NELL1: variants seen among roughly 807,000 people sequenced by gnomAD.
The protein encoded by NELL1 is neural EGFL like 1.
NELL1 carries 76 observed loss-of-function variants against 107.4 expected under a neutral mutation model. That is an observed-to-expected ratio of 0.71 (90% CI 0.59 to 0.86). NELL1 has a LOEUF of 0.86. NELL1 is among the 40% of genes least tolerant of loss of function. NELL1 has a pLI of 0.00. For missense variants in NELL1, 1,024 were observed against 1,005.5 expected (o/e 1.02, Z -0.25); for synonymous variants, 353 against 341.2 (o/e 1.03, Z -0.38).
At position 21,220,125 on chromosome 11, in the gene NELL1, A is replaced by T. The variant is rs1003734454; in HGVS notation, c.1427-9207A>T. On this transcript the variant is annotated intron_variant, in intron 13 of 19. Coordinates refer to ENST00000357134, the MANE Select transcript of NELL1 (RefSeq NM_006157.5). ...CTCCAACACTGAGGTTTACAATTCG[A>T]CATGAGGTTTGGGCAGGGACACAAA... Among the ~76,000 whole-genome samples, 17 of 152,160 alleles carry T rather than the reference A, an allele frequency of 1.1e-4. 1 individual carries two copies. Among genetic ancestry groups the T allele is most frequent in the Non-Finnish European group, 2.9e-5 (2 of 68,010 alleles).
intron 3 of NELL1, among the ~76,000 whole-genome samples, chr11:20,792,060 T>C (rs1338907209): frequency 2.0e-5 from 3 of 152,190 alleles, no homozygotes; most frequent in East Asian, 1.9e-4. Context: ...AAGTGAGGTA[T>C]TGGTCTGCAG....
chr11:21,555,734 C>T (rs1295138793), intron 16 of NELL1, among the ~76,000 whole-genome samples: 1 of 151,930 alleles, frequency 6.6e-6, no homozygotes, highest in Non-Finnish European at 1.5e-5. Context: ...ATGAAGCTAT[C>T]TCTAACTTAT....
At chr11:21,159,555 A>G (rs990694667) in intron 13 of NELL1, among the ~76,000 whole-genome samples, 1 of 152,188 alleles carries the variant, frequency 6.6e-6, no homozygotes, top group Non-Finnish European at 1.5e-5. Context: ...ATTGCAGCGG[A>G]TAATGTCTGA....
chr11:20,981,742 T>C (rs11025850), intron 12 of NELL1, among the ~76,000 whole-genome samples: 314 of 151,452 alleles, frequency 2.1e-3, no homozygotes, highest in Non-Finnish European at 3.9e-3. Context: ...TTCATTAAAA[T>C]AAGGAACTCG....
chr11:20,756,764 A>C (rs1230512513), intron 2 of NELL1, among the ~76,000 whole-genome samples: 1 of 152,036 alleles, frequency 6.6e-6, no homozygotes, highest in Non-Finnish European at 1.5e-5. Context: ...TGTGGCAACC[A>C]AAATATTTCC....
chr11:21,055,369 T>C (rs916746309), intron 12 of NELL1, among the ~76,000 whole-genome samples: 3 of 152,148 alleles, frequency 2.0e-5, no homozygotes, highest in African/African-American at 7.2e-5. Flanking sequence ...ATTTCAAATA[T>C]ACATTTTAAT....
intron 12 of NELL1, among the ~76,000 whole-genome samples, chr11:21,050,280 T>A (rs986881056): frequency 2.8e-5 from 2 of 72,074 alleles, no homozygotes; most frequent in Non-Finnish European, 5.2e-5. Flanking sequence ...CGCCCCCCAC[T>A]TTTTTTTAAC....
chr11:20,942,621 G>A (rs796273734), intron 10 of NELL1, among the ~76,000 whole-genome samples: 18 of 152,150 alleles, frequency 1.2e-4, no homozygotes, highest in South Asian at 1.0e-3. Context: ...CTCAATAAAT[G>A]TGAGCTATTT....
chr11:20,715,384 C>T (rs1044449888), intron 2 of NELL1, among the ~76,000 whole-genome samples: 3 of 151,168 alleles, frequency 2.0e-5, no homozygotes. Flanking sequence ...TATACAGGTA[C>T]TATTTTTATA....
chr11:21,088,126 AG>A (rs1854440371), intron 12 of NELL1, among the ~76,000 whole-genome samples: 1 of 148,750 alleles, frequency 6.7e-6, no homozygotes, highest in Admixed American at 6.8e-5. Flanking sequence ...TAAATTTTGT[AG>A]CTTCAATAAA....
intron 14 of NELL1, among the ~76,000 whole-genome samples, chr11:21,302,727 GA>G (rs1367400209): frequency 6.6e-6 from 1 of 151,818 alleles, no homozygotes; most frequent in African/African-American, 2.4e-5. Flanking sequence ...TCCTGTGAGT[GA>G]AACACTGCTC....
chr11:21,486,669 A>T (rs1250750628), intron 15 of NELL1, among the ~76,000 whole-genome samples: 2 of 152,274 alleles, frequency 1.3e-5, no homozygotes, highest in East Asian at 3.9e-4. Flanking sequence ...CAAAATACTG[A>T]TTTTAAAGAA....
chr11:21,190,769 T>G (rs1857032732), intron 13 of NELL1, among the ~76,000 whole-genome samples: 1 of 151,882 alleles, frequency 6.6e-6, no homozygotes, highest in Non-Finnish European at 1.5e-5. Flanking sequence ...TTGCAAAAAG[T>G]GCAACTGGGT....
At chr11:20,767,673 G>A (rs1856559260) in intron 2 of NELL1, among the ~76,000 whole-genome samples, 1 of 152,160 alleles carries the variant, frequency 6.6e-6, no homozygotes, top group South Asian at 2.1e-4. Flanking sequence ...TGTCCTTGAG[G>A]GGCTATTGGC....
At chr11:21,281,991 G>A (rs1849006147) in intron 14 of NELL1, among the ~76,000 whole-genome samples, 1 of 152,128 alleles carries the variant, frequency 6.6e-6, no homozygotes, top group Non-Finnish European at 1.5e-5. Context: ...GCAAAAGTGG[G>A]CAAATGGGAT....
At position 21,276,366 on chromosome 11, in the gene NELL1, A is replaced by G. The variant is rs542100044; in HGVS notation, c.1549+46912A>G. ...GGACGTGAAGGACCTTTTCCAGGAG[A>G]ACTACAAACCACTGCTCAATGAAAT... On this transcript the variant is annotated intron_variant, in intron 14 of 19. Transcript: ENST00000357134. Among the ~76,000 whole-genome samples, 283 of 152,314 alleles carry G rather than the reference A, an allele frequency of 1.9e-3. 2 individuals carry two copies. The highest frequency in any genetic ancestry group is 3.6e-3 in the Non-Finnish European group (242 of 68,024).
At chr11:21,535,455 G>GAGAT (rs957595931) in intron 16 of NELL1, among the ~76,000 whole-genome samples, 9 of 152,146 alleles carry the variant, frequency 5.9e-5, no homozygotes, top group African/African-American at 2.2e-4. Context: ...GGCTGCTGCT[G>GAGAT]AGATATAGTC....
At chr11:21,274,284 G>C (rs893728210) in intron 14 of NELL1, among the ~76,000 whole-genome samples, 2 of 152,036 alleles carry the variant, frequency 1.3e-5, no homozygotes, top group Non-Finnish European at 2.9e-5. Context: ...TTTAAACCAA[G>C]AAAGATCAAA....
intron 2 of NELL1, among the ~76,000 whole-genome samples, chr11:20,748,442 T>G (rs533332573): frequency 6.6e-6 from 1 of 152,278 alleles, no homozygotes; most frequent in African/African-American, 2.4e-5. Context: ...TACAAAGTAG[T>G]TTTTGGTTAC....
Sources: gnomAD v4.1 joint callset for allele counts (sites outside exome capture counted in the v4.1 genomes callset) on GRCh38, gnomAD v4.1.1 for gene constraint, MANE v1.5 for transcripts, NCBI Gene and HGNC (gene_info 2026-07-23, HGNC 2026-07-21) for gene names.